The following TPRG1 variants were observed in gnomAD, a reference collection of about 807,000 sequenced individuals.
TPRG1 encodes tumor protein p63-regulated gene 1 protein.
Under a neutral mutation model 29.3 loss-of-function variants are expected in TPRG1, and 29 were observed. That is an observed-to-expected ratio of 0.99 (90% CI 0.74 to 1.35). The LOEUF (loss-of-function observed/expected upper bound fraction) is 1.35, where lower values mean the gene tolerates loss of function less well. Among genes scored for constraint, TPRG1 ranks in the 40% most tolerant of loss-of-function variants. TPRG1 has a pLI of 0.00. For missense variants in TPRG1, 327 were observed against 335.0 expected (o/e 0.98, Z 0.19); for synonymous variants, 130 against 116.8 (o/e 1.11, Z -0.73).
intron 1 of TPRG1, among the ~76,000 whole-genome samples, chr3:189,105,466 G>GC (rs1173024042): frequency 6.6e-6 from 1 of 151,948 alleles, no homozygotes; most frequent in East Asian, 1.9e-4. Context: ...GGCACACTTT[G>GC]CCCCCCTGCT....
intron 5 of TPRG1, among the ~76,000 whole-genome samples, chr3:189,164,638 A>T (rs550646562): frequency 7.3e-4 from 108 of 146,978 alleles, no homozygotes; most frequent in East Asian, 2.6e-3. Flanking sequence ...CCTTTTTTTT[A>T]AAAAAAAAAG....
intron 5 of TPRG1, among the ~76,000 whole-genome samples, chr3:189,156,930 T>C (rs1319796417): frequency 6.6e-6 from 1 of 152,214 alleles, no homozygotes; most frequent in Non-Finnish European, 1.5e-5. Flanking sequence ...ATTCCTTAAA[T>C]TGATAATCAC....
rs148454082 is a variant in TPRG1, at chr3:189,002,181, G to A, written c.-878+1270G>A. Among the ~76,000 whole-genome samples the A allele has an allele frequency of 1.3e-3, 191 of 152,326 alleles. 1 individual carries two copies. The highest frequency in any genetic ancestry group is 2.3e-3 in the Admixed American group (35 of 15,292). On this transcript the variant is annotated intron_variant, in intron 2 of 10. Transcript: ENST00000433971. Reference sequence around the variant, plus strand: ...AAGAGCCTTAAATATGCAGCGCGCTGCCTCATGGGCCCAGGCCACCCTGAT... The same window carrying A: ...AAGAGCCTTAAATATGCAGCGCGCTACCTCATGGGCCCAGGCCACCCTGAT...
intron 4 of TPRG1, among the ~76,000 whole-genome samples, chr3:189,268,533 A>G (rs1714525856): frequency 6.6e-6 from 1 of 152,184 alleles, no homozygotes; most frequent in Admixed American, 6.5e-5. Flanking sequence ...TGCAGAGGGC[A>G]GGATCCCATC....
At chr3:189,099,139 C>T (rs1360054314), upstream of TPRG1, among the ~76,000 whole-genome samples, 3 of 151,964 alleles carry the variant, frequency 2.0e-5, no homozygotes, top group African/African-American at 7.3e-5. Context: ...GGCAGGGCGG[C>T]CGACACCACA....
chr3:189,036,751 A>T (rs1482790709), intron 4 of TPRG1, among the ~76,000 whole-genome samples: 8 of 151,960 alleles, frequency 5.3e-5, no homozygotes, highest in Non-Finnish European at 8.8e-5. Flanking sequence ...AATATAGAAT[A>T]AAAAAGGTGA....
intron 3 of TPRG1, among the ~76,000 whole-genome samples, chr3:189,009,237 T>C (rs1712467265): frequency 6.6e-6 from 1 of 152,142 alleles, no homozygotes; most frequent in Admixed American, 6.5e-5. Flanking sequence ...TCTGAAGCCA[T>C]GATCAAAATC....
At chr3:189,180,751 A>C (rs1730100694) in intron 1 of TPRG1, among the ~76,000 whole-genome samples, 1 of 152,040 alleles carries the variant, frequency 6.6e-6, no homozygotes, top group African/African-American at 2.4e-5. Flanking sequence ...CGCATTTACT[A>C]TTCTGGGGTC....
At chr3:189,293,009 A>G (rs1719275134) in intron 4 of TPRG1, among the ~76,000 whole-genome samples, 1 of 152,040 alleles carries the variant, frequency 6.6e-6, no homozygotes, top group Non-Finnish European at 1.5e-5. Flanking sequence ...CCTTGTTTGG[A>G]TCACTCTGCT....
chr3:189,053,249 ACTTTT>A (rs1228051100), intron 4 of TPRG1, among the ~76,000 whole-genome samples: 1 of 152,098 alleles, frequency 6.6e-6, no homozygotes, highest in Non-Finnish European at 1.5e-5. Context: ...CTAGCTTCCA[ACTTTT>A]CTTCTGCAGC....
At chr3:189,102,875 G>A (rs1051424318) in intron 1 of TPRG1, among the ~76,000 whole-genome samples, 2 of 152,038 alleles carry the variant, frequency 1.3e-5, no homozygotes, top group Admixed American at 6.6e-5. Context: ...GTCCTCAAAC[G>A]CCAGGGTCTA....
intron 3 of TPRG1, among the ~76,000 whole-genome samples, chr3:189,008,491 C>T (rs1712427148): frequency 6.6e-6 from 1 of 152,118 alleles, no homozygotes; most frequent in Non-Finnish European, 1.5e-5. Flanking sequence ...TGGAAATAAC[C>T]TTGGCCTGGG....
intron 3 of TPRG1, among the ~76,000 whole-genome samples, chr3:189,235,480 C>G (rs73889142): frequency 0.038 from 5,757 of 152,096 alleles, 132 homozygotes; most frequent in Middle Eastern, 0.051. Flanking sequence ...TGAGGAAATA[C>G]GGTGAGTCTG....
At chr3:189,063,158 G>A (rs1446997162) in intron 4 of TPRG1, among the ~76,000 whole-genome samples, 1 of 151,908 alleles carries the variant, frequency 6.6e-6, no homozygotes, top group African/African-American at 2.4e-5. Flanking sequence ...AATTACTAGA[G>A]AAAAAGTCAC....
intron 4 of TPRG1, among the ~76,000 whole-genome samples, chr3:189,035,262 C>A (rs183090657): frequency 6.6e-6 from 1 of 152,232 alleles, no homozygotes; most frequent in Admixed American, 6.5e-5. Flanking sequence ...GAACCCCTAC[C>A]TTTCACCATA....
At chr3:189,078,612 T>C (rs550391766) in intron 4 of TPRG1, among the ~76,000 whole-genome samples, 82 of 152,346 alleles carry the variant, frequency 5.4e-4, no homozygotes, top group African/African-American at 1.9e-3. Context: ...TTAAGTACTG[T>C]AAGCTCTTTT....
chr3:189,215,791 C>T (rs902911902), intron 3 of TPRG1, among the ~76,000 whole-genome samples: 1 of 152,146 alleles, frequency 6.6e-6, no homozygotes, highest in African/African-American at 2.4e-5. Context: ...ATAAAATCAA[C>T]ATATATACTT....
intron 5 of TPRG1, among the ~76,000 whole-genome samples, chr3:189,311,902 C>G (rs1243100632): frequency 6.6e-6 from 1 of 151,752 alleles, no homozygotes; most frequent in Non-Finnish European, 1.5e-5. Context: ...AACAGACTCA[C>G]CCAGGGCTTC....
intron 1 of TPRG1, among the ~76,000 whole-genome samples, chr3:189,204,472 G>T (rs1733999462): frequency 6.6e-6 from 1 of 152,212 alleles, no homozygotes; most frequent in South Asian, 2.1e-4. Context: ...GACTGGAACA[G>T]AGCTGGAATT....
Sources: gnomAD v4.1 joint callset for allele counts (sites outside exome capture counted in the v4.1 genomes callset) on GRCh38, gnomAD v4.1.1 for gene constraint, MANE v1.5 for transcripts, NCBI Gene and HGNC (gene_info 2026-07-23, HGNC 2026-07-21) for gene names.